PC: variants seen among roughly 807,000 people sequenced by gnomAD.
The protein encoded by PC is pyruvate carboxylase, mitochondrial.
A neutral mutation model predicts 107.8 loss-of-function variants in PC; 46 were observed. That is an observed-to-expected ratio of 0.43 (90% CI 0.34 to 0.55). PC has a LOEUF of 0.55. Among genes scored for constraint, PC ranks in the 20% least tolerant of loss-of-function variants. The probability of loss-of-function intolerance (pLI) is 0.04; values close to 1 mark genes in which losing one functional copy is unlikely to be tolerated. For missense variants in PC, 1,241 were observed against 1,643.1 expected (o/e 0.76, Z 4.23); for synonymous variants, 662 against 684.7 (o/e 0.97, Z 0.52).
rs1241800292 is a variant in PC, at chr11:66,870,396, C to T, written c.809G>A (p.Arg270Gln). 6.2e-6 allele frequency: 10 copies of T among 1,613,606 alleles called. No homozygotes were observed. The highest frequency in any genetic ancestry group is 1.1e-5 in the South Asian group (1 of 91,096). The change falls in exon 9 of 23, where the codon CGG (arginine) becomes CAG (glutamine). Residue 270 changes from arginine (R) to glutamine (Q), a missense_variant. By Grantham distance (43) the Arg-to-Gln change is conservative (BLOSUM62 1). This residue lies in a region of PC where 1,143 missense variants were observed against 1,551.9 expected (regional missense o/e 0.74). Coordinates refer to ENST00000393960, the MANE Select transcript of PC (RefSeq NM_001040716.2). The surrounding 1 kb of genome is among the most constrained non-coding windows in gnomAD (Gnocchi z 6.1). The stretch of plus-strand genomic sequence containing the variant: ...GGCAATCTCGACCACCTTCTGGTGC[C>T]GCCGCTGGATGGAGCAGTCTCGCTC... ...LYERDCSIQR[R>Q]HQKVVEIAPA...
At chr11:66,890,308 G>A (rs1049167632) in intron 3 of PC, among the ~76,000 whole-genome samples, 3 of 152,036 alleles carry the variant, frequency 2.0e-5, no homozygotes, top group East Asian at 1.9e-4. Context: ...TTAGGACTGT[G>A]AGAAATGCAT....
intron 3 of PC, among the ~76,000 whole-genome samples, chr11:66,949,290 C>T (rs1367076994): frequency 2.0e-5 from 3 of 151,822 alleles, no homozygotes; most frequent in Non-Finnish European, 4.4e-5. Context: ...CCCACCATGC[C>T]CGGCCAGAAG....
At chr11:66,853,485 GC>G (rs748922726) in intron 12 of PC, 102 bp from the exon 13 acceptor site, 325 of 1,378,406 alleles carry the variant, frequency 2.4e-4, no homozygotes, top group Non-Finnish European at 3.3e-4. Flanking sequence ...GCTGCCCTGG[GC>G]CAGCACAGCT....
At chr11:66,904,199 C>T (rs1391944994) in intron 3 of PC, among the ~76,000 whole-genome samples, 2 of 152,100 alleles carry the variant, frequency 1.3e-5, no homozygotes, top group African/African-American at 4.8e-5. Flanking sequence ...TCCTGATCTC[C>T]TGCCCCACCC....
chr11:66,945,708 G>T (rs1949264555), intron 3 of PC, among the ~76,000 whole-genome samples: 1 of 118,552 alleles, frequency 8.4e-6, no homozygotes, highest in Admixed American at 8.0e-5. Context: ...TTCCTTATTA[G>T]GTAAGCTTCT....
intron 3 of PC, among the ~76,000 whole-genome samples, chr11:66,915,589 G>A (rs1257634587): frequency 6.6e-6 from 1 of 152,192 alleles, no homozygotes; most frequent in African/African-American, 2.4e-5. Flanking sequence ...TCCGTGCCCT[G>A]TGATCCTGCA....
intron 12 of PC, among the ~76,000 whole-genome samples, chr11:66,854,487 C>G (rs914035409): frequency 1.3e-5 from 2 of 152,182 alleles, no homozygotes; most frequent in African/African-American, 4.8e-5. Context: ...CAGGGGCCCT[C>G]GGTTCCACTC....
intron 3 of PC, among the ~76,000 whole-genome samples, chr11:66,926,062 TAAG>T (rs2136102072): frequency 6.6e-6 from 1 of 152,248 alleles, no homozygotes; most frequent in South Asian, 2.1e-4. Context: ...GGCAAAAAGA[TAAG>T]AAGCATGTTT....
intron 3 of PC, among the ~76,000 whole-genome samples, chr11:66,917,217 G>A (rs990906743): frequency 1.3e-5 from 2 of 151,762 alleles, no homozygotes; most frequent in African/African-American, 4.8e-5. Context: ...GATTACAGGG[G>A]CGCGCCATCA....
chr11:66,869,327 G>C (rs1487482672), intron 9 of PC, among the ~76,000 whole-genome samples: 2 of 151,698 alleles, frequency 1.3e-5, no homozygotes, highest in African/African-American at 4.8e-5. Context: ...GGAGACCCAG[G>C]CCTCTCCCAG....
chr11:66,895,216 C>T (rs550771560), intron 3 of PC, among the ~76,000 whole-genome samples: 3 of 152,152 alleles, frequency 2.0e-5, no homozygotes, highest in East Asian at 1.9e-4. Context: ...TGGCAGGTTA[C>T]GTGACTCTTT....
At position 66,871,559 on chromosome 11, in the gene PC, C is replaced by G; in HGVS notation, c.322-79G>C. The G allele has an allele frequency of 6.3e-7, 1 of 1,595,722 alleles. No individual in the cohort carries two copies. Among genetic ancestry groups the G allele is most frequent in the South Asian group, 1.1e-5 (1 of 90,600 alleles). ...CGGCCAGCCTCTTCCCCTGCCTAAC[C>G]TGCTGAGCTGCATCCGTTTACCCAC... On this transcript the variant is annotated intron_variant, in intron 5 of 22. Transcript: ENST00000393960. The surrounding 1 kb of genome is among the most constrained non-coding windows in gnomAD (Gnocchi z 7.4).
chr11:66,884,360 C>T (rs1947288250), intron 3 of PC, among the ~76,000 whole-genome samples: 1 of 151,420 alleles, frequency 6.6e-6, no homozygotes, highest in South Asian at 2.1e-4. Flanking sequence ...TGCAGTGAGC[C>T]ATGATGGTCC....
intron 15 of PC, 41 bp from the exon 16 acceptor site, chr11:66,851,987 TG>T: frequency 6.2e-7 from 1 of 1,608,022 alleles, no homozygotes; most frequent in Non-Finnish European, 8.5e-7. Context: ...TCTGCATGCC[TG>T]GGGAACTCCA....
chr11:66,931,037 T>A (rs924833573), intron 3 of PC, among the ~76,000 whole-genome samples: 4 of 152,100 alleles, frequency 2.6e-5, no homozygotes, highest in African/African-American at 9.7e-5. Context: ...AGGTTGGCTA[T>A]CGGTGGGAAA....
At position 66,866,109 on chromosome 11, in the gene PC, T is replaced by C; in HGVS notation, c.1185+78A>G. ...CCCTAACTGCCGGGCTGTGGCAACTTGGCACTGCAGCCCCAGGCACCAGGC... is the reference window on the plus strand; with the variant it reads ...CCCTAACTGCCGGGCTGTGGCAACTCGGCACTGCAGCCCCAGGCACCAGGC... On this transcript the variant is annotated intron_variant, in intron 11 of 22. Coordinates refer to ENST00000393960, the MANE Select transcript of PC (RefSeq NM_001040716.2). This position sits in a 1 kb window ranked among gnomAD's most constrained non-coding sequence, Gnocchi z 5.4. The C allele has an allele frequency of 4.0e-6, 6 of 1,513,062 alleles. No homozygotes were observed. Among genetic ancestry groups the C allele is most frequent in the Middle Eastern group, 2.4e-4 (1 of 4,198 alleles). The allele number at this position is 1,513,062 out of a possible 1,614,324, so 93.7% of individuals were successfully genotyped here.
intron 10 of PC, 84 bp downstream of exon 10, chr11:66,868,762 G>A: frequency 9.8e-7 from 1 of 1,025,402 alleles, no homozygotes; most frequent in Non-Finnish European, 1.6e-6. Context: ...AAGCCCCCTG[G>A]CTGGCCCCAG....
chr11:66,902,773 C>A (rs1368979846), intron 3 of PC, among the ~76,000 whole-genome samples: 1 of 152,248 alleles, frequency 6.6e-6, no homozygotes, highest in African/African-American at 2.4e-5. Context: ...ACTCTGACCA[C>A]AGCCCTTCCC....
At chr11:66,856,071 G>A (rs1945796743) in intron 12 of PC, among the ~76,000 whole-genome samples, 1 of 152,244 alleles carries the variant, frequency 6.6e-6, no homozygotes, top group Non-Finnish European at 1.5e-5. Context: ...GGCGGGCACA[G>A]CTGGAAGGAA....
Sources: gnomAD v4.1 joint callset for allele counts (sites outside exome capture counted in the v4.1 genomes callset) on GRCh38, gnomAD v4.1.1 for gene constraint, gnomAD v4.1.1 regional missense constraint, Gnocchi (gnomAD v3.1) non-coding constraint, MANE v1.5 for transcripts, NCBI Gene and HGNC (gene_info 2026-07-23, HGNC 2026-07-21) for gene names.